AGBL4: variants seen among roughly 807,000 people sequenced by gnomAD.
AGBL4 encodes AGBL carboxypeptidase 4, also known as cytosolic carboxypeptidase 6.
Under a neutral mutation model 66.4 loss-of-function variants are expected in AGBL4, and 58 were observed. The observed-to-expected ratio is 0.87, with a 90% CI of 0.71 to 1.09. The LOEUF (loss-of-function observed/expected upper bound fraction) is 1.09, where lower values mean the gene tolerates loss of function less well. AGBL4 is among the 50% of genes least tolerant of loss of function. The pLI is 0.00. For missense variants in AGBL4, 579 were observed against 631.0 expected, an observed-to-expected ratio of 0.92 and a Z score of 0.88; for synonymous variants, 234 against 222.9, an observed-to-expected ratio of 1.05 and a Z score of -0.44.
intron 3 of AGBL4, among the ~76,000 whole-genome samples, chr1:49,476,839 G>T (rs965503116): frequency 6.6e-6 from 1 of 152,062 alleles, no homozygotes; most frequent in Non-Finnish European, 1.5e-5. Flanking sequence ...TCAGTACACT[G>T]AAAGGTGAAT....
chr1:49,961,529 A>G (rs1657118918), intron 1 of AGBL4, among the ~76,000 whole-genome samples: 1 of 152,070 alleles, frequency 6.6e-6, no homozygotes, highest in Admixed American at 6.6e-5. Context: ...AAATCATTCA[A>G]TCAATGAAAC....
chr1:48,940,779 T>A (rs1655900229), intron 5 of AGBL4, among the ~76,000 whole-genome samples: 1 of 152,186 alleles, frequency 6.6e-6, no homozygotes, highest in Admixed American at 6.5e-5. Flanking sequence ...TACTGAAAAG[T>A]TCAGCTTGCT....
intron 3 of AGBL4, among the ~76,000 whole-genome samples, chr1:49,464,165 T>C (rs1236683360): frequency 6.6e-6 from 1 of 151,748 alleles, no homozygotes; most frequent in African/African-American, 2.4e-5. Flanking sequence ...GCAACTAAGA[T>C]AGCATAGAAA....
In AGBL4 at chr1:49,938,601, A is replaced by T. The variant is rs536560204; in HGVS notation, c.34+85162T>A. Among the ~76,000 whole-genome samples the T allele has an allele frequency of 7.0e-3, 1,064 of 152,304 alleles. 12 individuals are homozygous for T. Among genetic ancestry groups the T allele is most frequent in the South Asian group, 0.014 (68 of 4,824 alleles). On this transcript the variant is annotated intron_variant, in intron 1 of 13. Coordinates refer to ENST00000371839, the MANE Select transcript of AGBL4 (RefSeq NM_032785.4). ...CATTGATGCAAAAATCCTCAATAAA[A>T]TACTGGCAAACCGAATCCAACAGCA... is the stretch of plus-strand genomic sequence containing the variant.
rs373775580 is a variant in AGBL4, at chr1:49,240,817, G to A, written c.377+4953C>T. Among the ~76,000 whole-genome samples the A allele has an allele frequency of 1.1e-3, 164 of 151,644 alleles. 1 individual carries two copies. Among genetic ancestry groups the A allele is most frequent in the African/African-American group, 3.8e-3 (158 of 41,368 alleles). ...CACTACCTACCTGACATCTCTGCTT[G>A]GATGCTTTCCAGACACTTCTAGCTT... On this transcript the variant is annotated intron_variant, in intron 4 of 13. Transcript: ENST00000371839.
At chr1:48,568,598 C>G (rs980206991) in intron 11 of AGBL4, among the ~76,000 whole-genome samples, 22 of 152,304 alleles carry the variant, frequency 1.4e-4, no homozygotes, top group Admixed American at 1.4e-3. Flanking sequence ...CCTAGGTATG[C>G]CCAACATTAG....
intron 4 of AGBL4, among the ~76,000 whole-genome samples, chr1:49,232,203 C>A (rs903096550): frequency 2.6e-5 from 4 of 152,060 alleles, no homozygotes; most frequent in African/African-American, 9.7e-5. Flanking sequence ...ATGTACACTT[C>A]AGATAAGTGA....
intron 3 of AGBL4, among the ~76,000 whole-genome samples, chr1:49,497,459 A>G (rs1411773539): frequency 6.6e-6 from 1 of 151,966 alleles, no homozygotes. Flanking sequence ...AGCCAGTCAT[A>G]AAACCAGTGT....
chr1:48,559,913 T>C (rs963510458), intron 11 of AGBL4, among the ~76,000 whole-genome samples: 3 of 152,232 alleles, frequency 2.0e-5, no homozygotes, highest in Admixed American at 2.0e-4. Context: ...CAGTAAACAA[T>C]GAGTGGACAT....
At chr1:48,668,271 C>T (rs1646221173) in intron 6 of AGBL4, among the ~76,000 whole-genome samples, 2 of 152,276 alleles carry the variant, frequency 1.3e-5, no homozygotes, top group South Asian at 4.2e-4. Context: ...ACAGCCCTGG[C>T]ACTGGTCTCC....
intron 1 of AGBL4, among the ~76,000 whole-genome samples, chr1:49,869,908 T>A (rs1321171852): frequency 1.3e-5 from 2 of 152,172 alleles, no homozygotes; most frequent in East Asian, 1.9e-4. Context: ...GTAGGGCAAC[T>A]GTAGTTAACA....
At chr1:49,903,692 G>A (rs963278823) in intron 1 of AGBL4, among the ~76,000 whole-genome samples, 3 of 151,942 alleles carry the variant, frequency 2.0e-5, no homozygotes, top group African/African-American at 7.3e-5. Context: ...TCCATATTTG[G>A]TGTTCAAGAA....
chr1:48,880,487 T>C (rs995309698), intron 5 of AGBL4, among the ~76,000 whole-genome samples: 7 of 152,178 alleles, frequency 4.6e-5, no homozygotes, highest in Admixed American at 1.3e-4. Context: ...TACCCAGTAG[T>C]GGGATTGCTG....
chr1:49,962,632 G>A (rs978183218), intron 1 of AGBL4, among the ~76,000 whole-genome samples: 8 of 152,038 alleles, frequency 5.3e-5, no homozygotes, highest in African/African-American at 1.9e-4. Flanking sequence ...GCACTGTGCT[G>A]GATATTTAGA....
chr1:49,281,325 C>T (rs1339552043), intron 3 of AGBL4, among the ~76,000 whole-genome samples: 1 of 152,148 alleles, frequency 6.6e-6, no homozygotes, highest in African/African-American at 2.4e-5. Flanking sequence ...TCAAACTGGT[C>T]TGACAATGAC....
At chr1:49,726,519 T>G (rs2124700615) in intron 2 of AGBL4, among the ~76,000 whole-genome samples, 1 of 152,194 alleles carries the variant, frequency 6.6e-6, no homozygotes, top group South Asian at 2.1e-4. Flanking sequence ...ACCAAAGCAG[T>G]GGCAGTGTGA....
At chr1:49,664,370 A>T (rs1646323593) in intron 3 of AGBL4, among the ~76,000 whole-genome samples, 1 of 152,082 alleles carries the variant, frequency 6.6e-6, no homozygotes, top group Admixed American at 6.6e-5. Flanking sequence ...CAATTACAGC[A>T]TAGGTATATA....
chr1:48,828,578 G>T (rs1196876519), intron 6 of AGBL4, among the ~76,000 whole-genome samples: 1 of 151,898 alleles, frequency 6.6e-6, no homozygotes, highest in Non-Finnish European at 1.5e-5. Flanking sequence ...TTTTTTCTTG[G>T]TTATGTACTG....
chr1:49,238,197 T>G (rs1016561718), intron 4 of AGBL4, among the ~76,000 whole-genome samples: 9 of 152,196 alleles, frequency 5.9e-5, no homozygotes, highest in African/African-American at 1.9e-4. Flanking sequence ...TCACCTGGTT[T>G]CTCAAATTTG....
Sources: allele counts gnomAD v4.1 joint callset (sites outside exome capture counted in the v4.1 genomes callset), GRCh38; gene constraint gnomAD v4.1.1; transcripts MANE v1.5; gene names NCBI Gene and HGNC (gene_info 2026-07-23, HGNC 2026-07-21).